DEFB126: variants seen among roughly 807,000 people sequenced by gnomAD.
The protein encoded by DEFB126 is beta-defensin 126.
In DEFB126, 2 loss-of-function variants were observed where a neutral mutation model predicts 2.5. The ratio of observed to expected loss-of-function variants is 0.79; its 90% CI spans 0.32 to 2.49. DEFB126 has a LOEUF of 2.49. DEFB126 is among the 30% of genes most tolerant of loss of function. The pLI is 0.11. For synonymous variants in DEFB126, 51 were observed against 45.4 expected (o/e 1.12, Z -0.50); for missense variants, 136 against 135.4 (o/e 1.00, Z -0.02).
At chr20:145,172 C>G (rs2054662203) in intron 1 of DEFB126, among the ~76,000 whole-genome samples, 1 of 151,910 alleles carries the variant, frequency 6.6e-6, no homozygotes, top group African/African-American at 2.4e-5. Context: ...GGAATTGGCC[C>G]CTGGTAAGTG....
At chr20:143,598 T>G (rs1394370173) in intron 1 of DEFB126, among the ~76,000 whole-genome samples, 1 of 152,164 alleles carries the variant, frequency 6.6e-6, no homozygotes, top group Non-Finnish European at 1.5e-5. Flanking sequence ...TACAACCTTA[T>G]TAATATATCA....
chr20:143,290 T>G (rs2054655473), intron 1 of DEFB126, among the ~76,000 whole-genome samples: 1 of 152,242 alleles, frequency 6.6e-6, no homozygotes, highest in African/African-American at 2.4e-5. Flanking sequence ...AGCTTATATT[T>G]ACAAAACCAA....
Position 145,453 on chromosome 20 carries a change from A to C in DEFB126, c.97A>C (p.Ile33Leu). The change falls in exon 2 of 2, where the codon ATT becomes CTT. Residue 33 changes from isoleucine (I) to leucine (L), a missense_variant. Physicochemically the swap from Ile to Leu is conservative, Grantham distance 5 (BLOSUM62 2). Coordinates refer to ENST00000382398, the MANE Select transcript of DEFB126 (RefSeq NM_030931.4). ...YVKKCLNDVG[I>L]CKKKCKPEEM... ...GAAAAAGTGTCTAAACGACGTTGGA[A>C]TTTGCAAGAAGAAGTGCAAACCTGA... 6.2e-7 allele frequency: 1 copy of C among 1,613,994 alleles called. No individual in the cohort carries two copies. Among genetic ancestry groups the C allele is most frequent in the Non-Finnish European group, 8.5e-7 (1 of 1,179,924 alleles).
chr20:143,552 A>AT (rs1433967346), intron 1 of DEFB126, among the ~76,000 whole-genome samples: 2 of 152,042 alleles, frequency 1.3e-5, no homozygotes, highest in Non-Finnish European at 2.9e-5. Flanking sequence ...CATTTGGATT[A>AT]TTTTTTCTAA....
chr20:145,552 G>A lies in DEFB126; in HGVS notation c.196G>A (p.Ala66Thr). ...CTGCTGTGTTCCAGCTGACAGACGT[G>A]CTAATTATCCTGTTTTCTGTGTCCA... ...RDCCVPADRRANYPVFCVQTK... is the reference protein window; with the variant it reads ...RDCCVPADRRTNYPVFCVQTK... Residue 66 changes from alanine to threonine, a missense_variant, in exon 2 of 2, where the codon GCT becomes ACT. By Grantham distance (58) the Ala-to-Thr change is moderately conservative. Transcript: ENST00000382398. 1 of 1,614,048 alleles carries A rather than the reference G, an allele frequency of 6.2e-7. No homozygotes were observed. Among genetic ancestry groups the A allele is most frequent in the Non-Finnish European group, 8.5e-7 (1 of 1,179,960 alleles).
intron 1 of DEFB126, among the ~76,000 whole-genome samples, chr20:143,917 G>GT (rs893694524): frequency 3.3e-5 from 5 of 151,992 alleles, no homozygotes; most frequent in Non-Finnish European, 7.4e-5. Context: ...CTATGATTTT[G>GT]TTTTTTACAC....
intron 1 of DEFB126, among the ~76,000 whole-genome samples, chr20:142,973 G>A (rs185312068): frequency 1.8e-4 from 27 of 152,040 alleles, no homozygotes; most frequent in Non-Finnish European, 2.9e-4. Flanking sequence ...CTGTCACTTC[G>A]GGTCAGTCCA....
chr20:143,230 A>G (rs1011266421), intron 1 of DEFB126, among the ~76,000 whole-genome samples: 5 of 152,178 alleles, frequency 3.3e-5, no homozygotes, highest in Admixed American at 1.3e-4. Context: ...AGTCTATATC[A>G]GATTTCAGCT....
chr20:145,670 C>A lies in DEFB126; in HGVS notation c.314C>A (p.Thr105Asn). 2 of 318,512 alleles carry A rather than the reference C, an allele frequency of 6.3e-6. No individual in the cohort carries two copies. The highest frequency in any genetic ancestry group is 8.6e-6 in the Non-Finnish European group (2 of 231,288). 19.7% of individuals were successfully genotyped at this position (318,512 alleles called of 1,614,324 possible). Residue 105 changes from threonine to asparagine, a missense_variant, in exon 2 of 2, where the codon ACC becomes AAC. Physicochemically the swap from Thr to Asn is moderately conservative, Grantham distance 65. Coordinates refer to ENST00000382398, the MANE Select transcript of DEFB126 (RefSeq NM_030931.4). ...TTASMSSMAP[T>N]PVSPTG is the part of the protein sequence containing the mutation. ...GCTTCGATGTCTTCGATGGCTCCTA[C>A]CCCCGTTTCTCCCACTGGTTGAACA...
intron 1 of DEFB126, among the ~76,000 whole-genome samples, chr20:143,630 T>C (rs1195775466): frequency 1.3e-5 from 2 of 152,174 alleles, no homozygotes; most frequent in African/African-American, 4.8e-5. Context: ...TCTGTTTGTA[T>C]AGGTAAATTT....
chr20:145,494 G>C lies in DEFB126; in HGVS notation c.138G>C (p.Lys46Asn), dbSNP rs182093028. The change falls in exon 2 of 2, where the codon AAG (lysine) becomes AAC (asparagine). Residue 46 changes from lysine (K) to asparagine (N), a missense_variant. Physicochemically the swap from Lys to Asn is moderately conservative, Grantham distance 94 (BLOSUM62 0). Coordinates refer to ENST00000382398, the MANE Select transcript of DEFB126 (RefSeq NM_030931.4). ...GCAAACCTGAAGAGATGCATGTAAA[G>C]AATGGTTGGGCAATGTGCGGCAAAC... Reference protein sequence around the residue: ...KKCKPEEMHVKNGWAMCGKQR... With the variant: ...KKCKPEEMHVNNGWAMCGKQR... 1 of 1,611,654 alleles carries C rather than the reference G, an allele frequency of 6.2e-7. No homozygotes were observed. Among genetic ancestry groups the C allele is most frequent in the Non-Finnish European group, 8.5e-7 (1 of 1,179,440 alleles).
rs1460090841 is a variant in DEFB126 at position 145,395 on chromosome 20, T to C, written c.59-20T>C. The C allele has an allele frequency of 6.2e-7, 1 of 1,605,338 alleles. No homozygotes were observed. The highest frequency in any genetic ancestry group is 1.3e-5 in the African/African-American group (1 of 74,592). The stretch of plus-strand genomic sequence containing the variant: ...TGATAAATACTTAGGCTTAATAATC[T>C]ATATAATTCCTTTATTCAGGTAATT... On this transcript the variant is annotated intron_variant, in intron 1 of 1. Transcript: ENST00000382398.
chr20:142,616 C>A lies in DEFB126; in HGVS notation c.-13C>A. 6.2e-7 allele frequency: 1 copy of A among 1,613,626 alleles called. No individual in the cohort carries two copies. Among genetic ancestry groups the A allele is most frequent in the Non-Finnish European group, 8.5e-7 (1 of 1,179,628 alleles). The stretch of plus-strand genomic sequence containing the variant: ...TAGAGACTTCTGGACTCTATAGAAC[C>A]CACTGCCTCCTGATGAAGTCCCTAC... On this transcript the variant is annotated 5_prime_UTR_variant, in exon 1 of 2. Coordinates refer to ENST00000382398, the MANE Select transcript of DEFB126 (RefSeq NM_030931.4).
In DEFB126 at chr20:145,469, G is replaced by A. The variant is rs749108147; in HGVS notation, c.113G>A (p.Cys38Tyr). Residue 38 changes from cysteine (C) to tyrosine (Y), a missense_variant, in exon 2 of 2, where the codon TGC becomes TAC. Cys to Tyr is a radical substitution (Grantham distance 194). Transcript: ENST00000382398. ...LNDVGICKKK[C>Y]KPEEMHVKNG... ...GACGTTGGAATTTGCAAGAAGAAGT[G>A]CAAACCTGAAGAGATGCATGTAAAG... The A allele has an allele frequency of 6.2e-7, 1 of 1,613,956 alleles. No homozygotes were observed.
chr20:145,057 C>A (rs1356777962), intron 1 of DEFB126, among the ~76,000 whole-genome samples: 1 of 152,084 alleles, frequency 6.6e-6, no homozygotes, highest in Non-Finnish European at 1.5e-5. Flanking sequence ...ATAGTTTTTA[C>A]TTCTGTTTAG....
At position 144,538 on chromosome 20, in the gene DEFB126, C is replaced by A. The variant is rs149642041; in HGVS notation, c.59-877C>A. On this transcript the variant is annotated intron_variant, in intron 1 of 1. Coordinates refer to ENST00000382398, the MANE Select transcript of DEFB126 (RefSeq NM_030931.4). ...TTTCTGTTCATTGTTTTATTCCCTG[C>A]ATCTTGCAGAATTCTTGACATGGTA... is the stretch of plus-strand genomic sequence containing the variant. Among the ~76,000 whole-genome samples the A allele has an allele frequency of 5.0e-3, 762 of 152,218 alleles. 1 individual carries two copies. Among genetic ancestry groups the A allele is most frequent in the African/African-American group, 0.017 (720 of 41,552 alleles).
chr20:144,068 T>C (rs538423839), intron 1 of DEFB126, among the ~76,000 whole-genome samples: 28 of 152,220 alleles, frequency 1.8e-4, no homozygotes, highest in African/African-American at 6.5e-4. Flanking sequence ...GCAGAAATGT[T>C]CAAATTGATA....
intron 1 of DEFB126, among the ~76,000 whole-genome samples, chr20:144,216 T>C (rs2054658673): frequency 6.6e-6 from 1 of 152,126 alleles, no homozygotes; most frequent in Non-Finnish European, 1.5e-5. Context: ...TACATCGACA[T>C]ACATCACATA....
intron 1 of DEFB126, among the ~76,000 whole-genome samples, chr20:144,865 T>TA (rs2054661089): frequency 6.6e-6 from 1 of 152,116 alleles, no homozygotes; most frequent in African/African-American, 2.4e-5. Context: ...TGACATGACA[T>TA]TTTTAACCAG....
Sources: allele counts gnomAD v4.1 joint callset (sites outside exome capture counted in the v4.1 genomes callset), GRCh38; gene constraint gnomAD v4.1.1; transcripts MANE v1.5; gene names NCBI Gene and HGNC (gene_info 2026-07-23, HGNC 2026-07-21).